GADL1: variants seen among roughly 807,000 people sequenced by gnomAD.
GADL1 encodes GAD like acidic amino acid decarboxylase 1.
In GADL1, 71 loss-of-function variants were observed where a neutral mutation model predicts 69.5. That is an observed-to-expected ratio of 1.02 (90% CI 0.84 to 1.25). The LOEUF (loss-of-function observed/expected upper bound fraction) is 1.25, where lower values mean the gene tolerates loss of function less well. Ranked by LOEUF, GADL1 falls within the 50% of genes most tolerant of loss-of-function variation. The pLI is 0.00. For missense variants in GADL1, 737 were observed against 631.8 expected, an observed-to-expected ratio of 1.17 and a Z score of -1.79; for synonymous variants, 254 against 214.4, an observed-to-expected ratio of 1.18 and a Z score of -1.62.
intron 11 of GADL1, among the ~76,000 whole-genome samples, chr3:30,833,590 T>A (rs544719836): frequency 6.6e-6 from 1 of 152,226 alleles, no homozygotes; most frequent in South Asian, 2.1e-4. Context: ...ATAATCCAAA[T>A]GATGGTGAGA....
intron 14 of GADL1, among the ~76,000 whole-genome samples, chr3:30,775,887 A>C (rs76338495): frequency 0.01 from 1,554 of 152,266 alleles, 10 homozygotes; most frequent in Non-Finnish European, 0.019. Flanking sequence ...ACCTGAGGTC[A>C]AAGCCTGGCC....
At chr3:30,798,488 C>A (rs539766966) in intron 12 of GADL1, 1 of 152,238 alleles carries the variant, frequency 6.6e-6, no homozygotes, top group South Asian at 2.1e-4. Flanking sequence ...GGGAAACCAC[C>A]CCCATGATTC....
chr3:30,777,196 T>G (rs905935016), intron 14 of GADL1, among the ~76,000 whole-genome samples: 1 of 152,106 alleles, frequency 6.6e-6, no homozygotes, highest in Non-Finnish European at 1.5e-5. Context: ...GTAGGGAGTC[T>G]TTTGTTTTTT....
intron 1 of GADL1, among the ~76,000 whole-genome samples, chr3:30,891,573 C>T (rs539511368): frequency 3.3e-5 from 5 of 151,636 alleles, no homozygotes; most frequent in East Asian, 2.0e-4. Flanking sequence ...TGTAGGGGTG[C>T]GGGACTCTGG....
At chr3:30,862,458 A>AT (rs1698334443) in intron 1 of GADL1, among the ~76,000 whole-genome samples, 1 of 152,032 alleles carries the variant, frequency 6.6e-6, no homozygotes, top group South Asian at 2.1e-4. Context: ...TTGAGTAGAC[A>AT]AATCCTATAA....
At chr3:30,737,569 T>A (rs1695557147) in intron 14 of GADL1, among the ~76,000 whole-genome samples, 1 of 152,142 alleles carries the variant, frequency 6.6e-6, no homozygotes, top group African/African-American at 2.4e-5. Context: ...ACAACCTTAC[T>A]CATTTCCCCT....
chr3:30,798,186 T>C (rs929045257), intron 12 of GADL1: 1 of 152,422 alleles, frequency 6.6e-6, no homozygotes, highest in Non-Finnish European at 1.5e-5. Context: ...TCACCTCACA[T>C]CCAGAGACTT....
At chr3:30,824,306 AT>A (rs1300969898) in intron 11 of GADL1, among the ~76,000 whole-genome samples, 1 of 150,662 alleles carries the variant, frequency 6.6e-6, no homozygotes, top group Non-Finnish European at 1.5e-5. Flanking sequence ...AAAAAGAAAA[AT>A]ATCACCAAAG....
In GADL1 at chr3:30,833,848, C is replaced by CT; in HGVS notation, c.1050+4dup. 6.2e-7 allele frequency: 1 copy of CT among 1,608,836 alleles called. No homozygotes were observed. Among genetic ancestry groups the CT allele is most frequent in the Non-Finnish European group, 8.5e-7 (1 of 1,175,702 alleles). On this transcript the variant is annotated splice_donor_region_variant and intron_variant, in intron 11 of 14. Coordinates refer to ENST00000282538, the MANE Select transcript of GADL1 (RefSeq NM_207359.3). ...AGCCCAAAGGACCACAAGAGGAAAA[C>CT]TTACAGATTTGTCTTTCACAAGGAG...
rs147797882 is a variant in GADL1 at position 30,822,079 on chromosome 3, T to C, written c.1050+11774A>G. Among the ~76,000 whole-genome samples the C allele has an allele frequency of 5.9e-5, 9 of 152,258 alleles. No individual in the cohort carries two copies. The East Asian group carries it at 1.7e-3, about 29-fold the overall frequency. On this transcript the variant is annotated intron_variant, in intron 11 of 14. Coordinates refer to ENST00000282538, the MANE Select transcript of GADL1 (RefSeq NM_207359.3). ...CACCTAATGGGATAATTTGCTCATA[T>C]GGAAGTCTGGTATCACTTGGAAACT...
chr3:30,761,815 T>C (rs937029417), intron 14 of GADL1, among the ~76,000 whole-genome samples: 4 of 152,170 alleles, frequency 2.6e-5, no homozygotes, highest in African/African-American at 9.7e-5. Flanking sequence ...CTCTACCAAT[T>C]AGATTCAAAC....
chr3:30,802,413 T>A (rs1039920929), intron 11 of GADL1, among the ~76,000 whole-genome samples: 1 of 152,206 alleles, frequency 6.6e-6, no homozygotes, highest in Non-Finnish European at 1.5e-5. Flanking sequence ...ATAAACACAG[T>A]TGGATGAGCT....
chr3:30,794,766 C>T (rs1364099364), intron 12 of GADL1, among the ~76,000 whole-genome samples: 1 of 152,206 alleles, frequency 6.6e-6, no homozygotes, highest in African/African-American at 2.4e-5. Context: ...AAAGTGTCTG[C>T]TCTTACTTTC....
intron 12 of GADL1, among the ~76,000 whole-genome samples, chr3:30,791,812 G>C (rs1055923143): frequency 6.6e-6 from 1 of 152,082 alleles, no homozygotes; most frequent in African/African-American, 2.4e-5. Context: ...AATCATGTGG[G>C]TGGGTTTTCT....
intron 13 of GADL1, among the ~76,000 whole-genome samples, chr3:30,779,847 A>C (rs1238757605): frequency 6.6e-6 from 1 of 152,172 alleles, no homozygotes; most frequent in East Asian, 1.9e-4. Flanking sequence ...CTCCCATGAC[A>C]TGTGGTCCAA....
intron 14 of GADL1, among the ~76,000 whole-genome samples, chr3:30,732,729 C>T (rs1695476478): frequency 6.6e-6 from 1 of 152,122 alleles, no homozygotes; most frequent in African/African-American, 2.4e-5. Flanking sequence ...TTGTTATATA[C>T]TCAGTGTTAA....
At chr3:30,810,082 G>T (rs747941408) in intron 11 of GADL1, among the ~76,000 whole-genome samples, 1 of 152,148 alleles carries the variant, frequency 6.6e-6, no homozygotes, top group African/African-American at 2.4e-5. Flanking sequence ...ATAGTGACAT[G>T]TTTGAGCTTG....
chr3:30,863,272 A>T (rs879447039), intron 1 of GADL1, among the ~76,000 whole-genome samples: 4 of 151,988 alleles, frequency 2.6e-5, no homozygotes, highest in Admixed American at 6.6e-5. Context: ...TTTTCTACAT[A>T]GAGAGTGATA....
At chr3:30,812,801 T>C (rs1003506402) in intron 11 of GADL1, among the ~76,000 whole-genome samples, 5 of 152,144 alleles carry the variant, frequency 3.3e-5, no homozygotes, top group African/African-American at 1.2e-4. Context: ...TGGGATCCAT[T>C]TGAGGCCCTA....
Sources: allele counts gnomAD v4.1 joint callset (sites outside exome capture counted in the v4.1 genomes callset), GRCh38; gene constraint gnomAD v4.1.1; transcripts MANE v1.5; gene names NCBI Gene and HGNC (gene_info 2026-07-23, HGNC 2026-07-21).